The following LRRC38 variants were observed in gnomAD, a reference collection of about 807,000 sequenced individuals.
The protein encoded by LRRC38 is leucine-rich repeat-containing protein 38.
LRRC38 carries 5 observed loss-of-function variants against 16.4 expected under a neutral mutation model. The ratio of observed to expected loss-of-function variants is 0.31; its 90% CI spans 0.16 to 0.64. LRRC38 has a LOEUF of 0.64. Among genes scored for constraint, LRRC38 ranks in the 30% least tolerant of loss-of-function variants. LRRC38 has a pLI of 0.80. For synonymous variants in LRRC38, 191 were observed against 190.2 expected (o/e 1.00, Z -0.04); for missense variants, 341 against 401.8 (o/e 0.85, Z 1.29).
chr1:13,502,037 GC>G (rs1639157095), intron 1 of LRRC38, among the ~76,000 whole-genome samples: 1 of 148,836 alleles, frequency 6.7e-6, no homozygotes, highest in Non-Finnish European at 1.5e-5. Context: ...ATGCCATTCT[GC>G]TGCCTCAGCC....
At chr1:13,507,270 C>T (rs1485772514) in intron 1 of LRRC38, among the ~76,000 whole-genome samples, 1 of 152,122 alleles carries the variant, frequency 6.6e-6, no homozygotes, top group Non-Finnish European at 1.5e-5. Context: ...AAAGGTGACA[C>T]CCCAGTGACT....
chr1:13,484,685 A>G (rs145695160), intron 1 of LRRC38, among the ~76,000 whole-genome samples: 9 of 152,352 alleles, frequency 5.9e-5, no homozygotes, highest in Admixed American at 2.6e-4. Context: ...TGGGAGGTGG[A>G]AACTCTCATT....
chr1:13,486,063 C>T (rs1179643902), intron 1 of LRRC38, among the ~76,000 whole-genome samples: 2 of 152,126 alleles, frequency 1.3e-5, no homozygotes, highest in East Asian at 1.9e-4. Flanking sequence ...CTCAGCCTCC[C>T]GAATAGCTGG....
intron 1 of LRRC38, among the ~76,000 whole-genome samples, chr1:13,506,923 C>T (rs1368869273): frequency 1.3e-5 from 2 of 152,250 alleles, no homozygotes; most frequent in Admixed American, 6.5e-5. Flanking sequence ...CCGGCTGGAA[C>T]TTGCCTGATG....
chr1:13,483,079 C>T (rs1638889499), intron 1 of LRRC38, among the ~76,000 whole-genome samples: 1 of 152,160 alleles, frequency 6.6e-6, no homozygotes. Context: ...AGACCTAGGG[C>T]TGCACCAGCC....
intron 1 of LRRC38, among the ~76,000 whole-genome samples, chr1:13,504,857 A>AG (rs1195687851): frequency 1.1e-3 from 123 of 112,390 alleles, no homozygotes; most frequent in African/African-American, 4.6e-3. Context: ...AAAAGAAAAG[A>AG]AAAAAGAAAA....
At chr1:13,504,769 G>GGAGGGA (rs1639190943) in intron 1 of LRRC38, among the ~76,000 whole-genome samples, 6 of 80,392 alleles carry the variant, frequency 7.5e-5, no homozygotes, top group African/African-American at 2.1e-4. Flanking sequence ...GAGGGGAAGG[G>GGAGGGA]AGGGAAGGGG....
rs1301677001 is a variant in LRRC38, at chr1:13,476,142, C to G, written c.632-43G>C. The G allele has an allele frequency of 5.9e-6, 9 of 1,537,172 alleles. No individual in the cohort carries two copies. The East Asian group carries it at 2.0e-4, about 34-fold the overall frequency. ...GAGGAGAGAGAGATTTAGACTGCAG[C>G]TCAAGGTTGCCTAAAAGTTGACAAG... On this transcript the variant is annotated intron_variant, in intron 1 of 1. Coordinates refer to ENST00000376085, the MANE Select transcript of LRRC38 (RefSeq NM_001010847.2).
At chr1:13,491,023 G>C (rs1268818772) in intron 1 of LRRC38, among the ~76,000 whole-genome samples, 1 of 152,212 alleles carries the variant, frequency 6.6e-6, no homozygotes, top group Non-Finnish European at 1.5e-5. Context: ...CAGGAACTAC[G>C]ATGAGTACTT....
intron 1 of LRRC38, among the ~76,000 whole-genome samples, chr1:13,491,946 G>A (rs914106027): frequency 5.3e-5 from 8 of 152,178 alleles, no homozygotes; most frequent in Non-Finnish European, 1.2e-4. Context: ...AAAGTGCTGG[G>A]ATTACAGGTG....
In LRRC38 at chr1:13,488,814, T is replaced by C. The variant is rs115929781; in HGVS notation, c.632-12715A>G. Among the ~76,000 whole-genome samples the C allele has an allele frequency of 2.6e-3, 389 of 152,304 alleles. 1 individual carries two copies. The highest frequency in any genetic ancestry group is 9.0e-3 in the African/African-American group (376 of 41,572). Reference sequence around the variant, plus strand: ...CTGTGAACTGCCTGCCCAGGAGCTATGACATGAGCTTTGCAAGTCTTCCCA... The same window carrying C: ...CTGTGAACTGCCTGCCCAGGAGCTACGACATGAGCTTTGCAAGTCTTCCCA... On this transcript the variant is annotated intron_variant, in intron 1 of 1. Coordinates refer to ENST00000376085, the MANE Select transcript of LRRC38 (RefSeq NM_001010847.2).
chr1:13,480,870 C>A (rs1342411497), intron 1 of LRRC38, among the ~76,000 whole-genome samples: 1 of 151,864 alleles, frequency 6.6e-6, no homozygotes. Context: ...TACACCCAGG[C>A]TGGTCTGGAA....
At chr1:13,491,255 C>T (rs1639008276) in intron 1 of LRRC38, among the ~76,000 whole-genome samples, 1 of 152,240 alleles carries the variant, frequency 6.6e-6, no homozygotes, top group African/African-American at 2.4e-5. Context: ...AAGTAGCCAG[C>T]CTCACTCACG....
intron 1 of LRRC38, among the ~76,000 whole-genome samples, chr1:13,482,701 T>G (rs984590391): frequency 1.3e-5 from 2 of 151,940 alleles, no homozygotes; most frequent in Admixed American, 1.3e-4. Flanking sequence ...ATGCGGCACA[T>G]GGAGGTGACC....
intron 1 of LRRC38, among the ~76,000 whole-genome samples, chr1:13,491,836 C>A (rs927943950): frequency 5.9e-5 from 9 of 152,126 alleles, no homozygotes; most frequent in Non-Finnish European, 1.3e-4. Flanking sequence ...CCACCACGCC[C>A]AGCTAATTTT....
intron 1 of LRRC38, among the ~76,000 whole-genome samples, chr1:13,481,809 CTCTCTCTCTCT>C: frequency 6.8e-6 from 1 of 147,240 alleles, no homozygotes; most frequent in Non-Finnish European, 1.5e-5. Context: ...CTCTCTCTCT[CTCTCTCTCTCT>C]CTCTCTGCCA....
intron 1 of LRRC38, among the ~76,000 whole-genome samples, chr1:13,504,235 C>CA (rs781980964): frequency 0.31 from 47,157 of 151,862 alleles, 9,421 homozygotes; most frequent in East Asian, 0.68. Flanking sequence ...TACATTTGAC[C>CA]GGGGACACTG....
At chr1:13,482,879 C>G (rs1638886899) in intron 1 of LRRC38, among the ~76,000 whole-genome samples, 1 of 152,202 alleles carries the variant, frequency 6.6e-6, no homozygotes, top group Non-Finnish European at 1.5e-5. Flanking sequence ...CTTGTTTATT[C>G]CTCAGGCCAA....
Position 13,481,019 on chromosome 1 carries a change from C to G in LRRC38, c.632-4920G>C, listed in dbSNP as rs373938375. On this transcript the variant is annotated intron_variant, in intron 1 of 1. Transcript: ENST00000376085. The stretch of plus-strand genomic sequence containing the variant: ...CAGAATGTATATGTGGAAGCCCTAG[C>G]CCCCAGTGTGATGGTATCTGGAGGT... 2.3e-4 allele frequency among the ~76,000 whole-genome samples: 35 copies of G among 152,226 alleles called. No homozygotes were observed. In the South Asian group the frequency reaches 7.3e-3, roughly 32 times the overall value.
Sources: gnomAD v4.1 joint callset for allele counts (sites outside exome capture counted in the v4.1 genomes callset) on GRCh38, gnomAD v4.1.1 for gene constraint, MANE v1.5 for transcripts, NCBI Gene and HGNC (gene_info 2026-07-23, HGNC 2026-07-21) for gene names.